The following TVP23A variants were observed in gnomAD, a reference collection of about 807,000 sequenced individuals.
TVP23A encodes Golgi apparatus membrane protein TVP23 homolog A.
Under a neutral mutation model 31.7 loss-of-function variants are expected in TVP23A, and 21 were observed. The observed-to-expected ratio is 0.66, with a 90% CI of 0.47 to 0.95. The LOEUF is 0.95. Among genes scored for constraint, TVP23A ranks in the 40% least tolerant of loss-of-function variants. The pLI, the probability that TVP23A is intolerant of heterozygous loss-of-function variation, is 0.00. For synonymous variants in TVP23A, 104 were observed against 96.0 expected, an observed-to-expected ratio of 1.08 and a Z score of -0.49; for missense variants, 279 against 255.6, an observed-to-expected ratio of 1.09 and a Z score of -0.62.
intron 2 of TVP23A, among the ~76,000 whole-genome samples, chr16:10,807,903 G>A (rs761746840): frequency 1.3e-5 from 2 of 152,038 alleles, no homozygotes; most frequent in African/African-American, 2.4e-5. Context: ...TTTAGAGGTG[G>A]GTTCTTGCTA....
At chr16:10,805,092 C>G (rs2033882412) in intron 2 of TVP23A, among the ~76,000 whole-genome samples, 1 of 152,114 alleles carries the variant, frequency 6.6e-6, no homozygotes, top group African/African-American at 2.4e-5. Flanking sequence ...GGCTGGAGTG[C>G]AGTGGTGTGA....
intron 2 of TVP23A, among the ~76,000 whole-genome samples, chr16:10,793,149 C>G (rs1357162020): frequency 2.6e-5 from 4 of 152,070 alleles, no homozygotes; most frequent in Non-Finnish European, 5.9e-5. Context: ...ATTAGCCAGG[C>G]ATCGTGGCAC....
rs2032102476 is a variant in TVP23A, at chr16:10,777,366, G to C, written c.90-2270C>G. Among the ~76,000 whole-genome samples the C allele has an allele frequency of 6.6e-6, 1 of 152,160 alleles. No homozygotes were observed. Among genetic ancestry groups the C allele is most frequent in the Non-Finnish European group, 1.5e-5 (1 of 68,030 alleles). ...TGTGTTTCTCACTGGCCTGCGAGCAGTGAGCTTGCAACCTCTGGATTAGGT... is the reference window on the plus strand; with the variant it reads ...TGTGTTTCTCACTGGCCTGCGAGCACTGAGCTTGCAACCTCTGGATTAGGT... On this transcript the variant is annotated intron_variant, in intron 2 of 7. Coordinates refer to ENST00000299866, the MANE Select transcript of TVP23A (RefSeq NM_001079512.4). This position sits in a 1 kb window ranked among gnomAD's most constrained non-coding sequence, Gnocchi z 4.5.
chr16:10,775,024 C>A lies in TVP23A; in HGVS notation c.162G>T (p.Trp54Cys). 6.2e-7 allele frequency: 1 copy of A among 1,612,472 alleles called. No individual in the cohort carries two copies. Among genetic ancestry groups the A allele is most frequent in the Non-Finnish European group, 8.5e-7 (1 of 1,179,226 alleles). Residue 54 changes from tryptophan (W) to cysteine (C), a missense_variant, in exon 3 of 8, where the codon TGG becomes TGT. Transcript: ENST00000299866. ...AACAGCCCACAAAGCTCTTGCTGAA[C>A]CAGTCGCAGCTCACGTAGGTGACGA... ...SAIVTYVSCD[W>C]FSKSFVGCFV...
At chr16:10,781,192 G>A (rs1200126509) in intron 2 of TVP23A, among the ~76,000 whole-genome samples, 1 of 152,096 alleles carries the variant, frequency 6.6e-6, no homozygotes, top group Non-Finnish European at 1.5e-5. Flanking sequence ...AGCCTGGGAT[G>A]GTGGCAGATG....
At chr16:10,796,837 T>A (rs372519440) in intron 2 of TVP23A, among the ~76,000 whole-genome samples, 2 of 152,330 alleles carry the variant, frequency 1.3e-5, no homozygotes, top group East Asian at 3.9e-4. Flanking sequence ...AATAAAGTTA[T>A]GAGACAATCA....
exon 9 of TVP23A, chr16:10,761,393 A>C (rs1333574958): frequency 1.9e-6 from 3 of 1,614,002 alleles, no homozygotes; most frequent in Non-Finnish European, 1.7e-6. Flanking sequence ...TCCGGAAAGA[A>C]ATCAACTTCT....
chr16:10,798,356 T>C (rs1165656215), intron 2 of TVP23A, among the ~76,000 whole-genome samples: 1 of 152,162 alleles, frequency 6.6e-6, no homozygotes, highest in Non-Finnish European at 1.5e-5. Flanking sequence ...AAGTCAACAT[T>C]TCTGGGCCTA....
chr16:10,779,720 C>T lies in TVP23A; in HGVS notation c.90-4624G>A, dbSNP rs1049090600. ...GACCTAGAAAATATCGCCAGGCCAA[C>T]TTAAAATTACCAAGTTTTCCAGAGC... On this transcript the variant is annotated intron_variant, in intron 2 of 7. Transcript: ENST00000299866. This position sits in a 1 kb window ranked among gnomAD's most constrained non-coding sequence, Gnocchi z 4.9. 6.6e-6 allele frequency among the ~76,000 whole-genome samples: 1 copy of T among 152,222 alleles called. No individual in the cohort carries two copies. Among genetic ancestry groups the T allele is most frequent in the African/African-American group, 2.4e-5 (1 of 41,450 alleles).
chr16:10,791,860 C>T (rs1358463095), intron 2 of TVP23A, among the ~76,000 whole-genome samples: 2 of 152,204 alleles, frequency 1.3e-5, no homozygotes, highest in African/African-American at 4.8e-5. Context: ...CATGATCCGC[C>T]CGCCTCGGCC....
intron 2 of TVP23A, among the ~76,000 whole-genome samples, chr16:10,807,155 G>A (rs916626667): frequency 3.3e-5 from 5 of 152,180 alleles, no homozygotes; most frequent in African/African-American, 7.2e-5. Context: ...TCATTGAGGT[G>A]AGCAGAACTC....
chr16:10,815,385 G>A (rs145051554), intron 2 of TVP23A, among the ~76,000 whole-genome samples: 146 of 152,248 alleles, frequency 9.6e-4, no homozygotes, highest in African/African-American at 3.4e-3. Context: ...GTGCTCCAGC[G>A]TGGGTGACAG....
intron 2 of TVP23A, among the ~76,000 whole-genome samples, chr16:10,790,004 G>A (rs1363856063): frequency 6.6e-6 from 1 of 152,128 alleles, no homozygotes; most frequent in East Asian, 1.9e-4. Flanking sequence ...TCAATAGAAA[G>A]GGAATGTTCA....
intron 2 of TVP23A, among the ~76,000 whole-genome samples, chr16:10,780,331 A>G (rs1029181109): frequency 2.6e-5 from 4 of 151,798 alleles, no homozygotes; most frequent in Admixed American, 2.6e-4. Flanking sequence ...AGGCCTGGGG[A>G]GTTTCTTTGG....
At chr16:10,762,904 A>G (rs2030216711), downstream of TVP23A, among the ~76,000 whole-genome samples, 1 of 148,612 alleles carries the variant, frequency 6.7e-6, no homozygotes, top group Non-Finnish European at 1.5e-5. Flanking sequence ...CATGGGGAGA[A>G]TGGGAGCCTG....
intron 2 of TVP23A, among the ~76,000 whole-genome samples, chr16:10,787,372 G>A (rs1048421486): frequency 1.3e-5 from 2 of 152,146 alleles, no homozygotes; most frequent in Non-Finnish European, 2.9e-5. Context: ...TTGCACAGGT[G>A]AAGGCCAACA....
chr16:10,776,331 C>T (rs1050176658), intron 2 of TVP23A, among the ~76,000 whole-genome samples: 10 of 151,910 alleles, frequency 6.6e-5, no homozygotes, highest in East Asian at 5.8e-4. Flanking sequence ...GCCAAGATCA[C>T]GCCACTGCAC....
chr16:10,783,567 C>T lies in TVP23A; in HGVS notation c.90-8471G>A, dbSNP rs577749629. On this transcript the variant is annotated intron_variant, in intron 2 of 7. Transcript: ENST00000299866. ...GGCGCGTACCTGTAGTCCCAGCTGC[C>T]GGAGAGGCTGAGGCATGAGAATCAC... Among the ~76,000 whole-genome samples, 19 of 152,070 alleles carry T rather than the reference C, an allele frequency of 1.2e-4. No homozygotes were observed. The South Asian group carries it at 3.5e-3, about 28-fold the overall frequency.
At chr16:10,817,041 C>G (rs1282244012) in intron 2 of TVP23A, among the ~76,000 whole-genome samples, 1 of 152,012 alleles carries the variant, frequency 6.6e-6, no homozygotes, top group Admixed American at 6.6e-5. Flanking sequence ...GGCCACAAGC[C>G]ACAGAATGCC....
Sources: gnomAD v4.1 joint callset for allele counts (sites outside exome capture counted in the v4.1 genomes callset) on GRCh38, gnomAD v4.1.1 for gene constraint, Gnocchi (gnomAD v3.1) non-coding constraint, MANE v1.5 for transcripts, NCBI Gene and HGNC (gene_info 2026-07-23, HGNC 2026-07-21) for gene names.